The following THSD7B variants were observed in gnomAD, a reference collection of about 807,000 sequenced individuals.
The protein encoded by THSD7B is thrombospondin type-1 domain-containing protein 7B.
In THSD7B, 138 loss-of-function variants were observed where a neutral mutation model predicts 213.6. That is an observed-to-expected ratio of 0.65 (90% CI 0.56 to 0.74). The LOEUF (loss-of-function observed/expected upper bound fraction) is 0.74. Among genes scored for constraint, THSD7B ranks in the 30% least tolerant of loss-of-function variants. THSD7B has a pLI of 0.00. For synonymous variants in THSD7B, 742 were observed against 687.0 expected, an observed-to-expected ratio of 1.08 and a Z score of -1.25; for missense variants, 1,931 against 1,991.5, an observed-to-expected ratio of 0.97 and a Z score of 0.58.
intron 5 of THSD7B, among the ~76,000 whole-genome samples, chr2:137,130,993 C>G (rs968976712): frequency 2.6e-5 from 4 of 151,174 alleles, no homozygotes; most frequent in African/African-American, 9.7e-5. Context: ...ACAGTCCCAC[C>G]AACAGTGTAA....
At chr2:136,876,190 T>C (rs1310486983) in intron 1 of THSD7B, among the ~76,000 whole-genome samples, 1 of 152,204 alleles carries the variant, frequency 6.6e-6, no homozygotes, top group Non-Finnish European at 1.5e-5. Flanking sequence ...GAACAACCGC[T>C]GCCAAACACA....
intron 2 of THSD7B, among the ~76,000 whole-genome samples, chr2:137,054,859 A>AC (rs1687131561): frequency 6.6e-6 from 1 of 151,662 alleles, no homozygotes; most frequent in Admixed American, 6.6e-5. Flanking sequence ...GGTTTGCTGC[A>AC]CCTGTCAACC....
intron 12 of THSD7B, among the ~76,000 whole-genome samples, chr2:137,314,326 C>T (rs376082511): frequency 1.3e-5 from 2 of 152,322 alleles, no homozygotes; most frequent in Non-Finnish European, 2.9e-5. Flanking sequence ...GCATTCTTCA[C>T]GTAGTTCTTG....
chr2:137,102,509 C>A (rs1328165206), intron 4 of THSD7B, among the ~76,000 whole-genome samples: 1 of 152,150 alleles, frequency 6.6e-6, no homozygotes, highest in Non-Finnish European at 1.5e-5. Context: ...TCCTCGCCAG[C>A]AGGGGAACAA....
At chr2:137,062,033 G>T (rs1343513900) in intron 3 of THSD7B, among the ~76,000 whole-genome samples, 1 of 151,656 alleles carries the variant, frequency 6.6e-6, no homozygotes, top group Non-Finnish European at 1.5e-5. Context: ...ACAGATTTAG[G>T]ACTATTCGTA....
intron 12 of THSD7B, among the ~76,000 whole-genome samples, chr2:137,382,579 G>A (rs1319882820): frequency 6.6e-6 from 1 of 152,230 alleles, no homozygotes; most frequent in Admixed American, 6.5e-5. Context: ...GCTTGTGAGA[G>A]TATGGCAGGA....
chr2:137,426,816 T>C (rs540775345), intron 14 of THSD7B, among the ~76,000 whole-genome samples: 8 of 152,162 alleles, frequency 5.3e-5, no homozygotes, highest in East Asian at 3.9e-4. Context: ...AAACTAAAAT[T>C]TTCTGCACAA....
intron 20 of THSD7B, among the ~76,000 whole-genome samples, chr2:137,622,976 T>A (rs1682549457): frequency 2.0e-5 from 3 of 152,202 alleles, no homozygotes; most frequent in Admixed American, 2.0e-4. Flanking sequence ...TAACTCATTT[T>A]ATGAGGCCAG....
intron 2 of THSD7B, among the ~76,000 whole-genome samples, chr2:136,951,089 G>T (rs932274517): frequency 1.8e-4 from 27 of 152,130 alleles, no homozygotes; most frequent in Admixed American, 1.4e-3. Context: ...AACTGGGTGG[G>T]CTAGGAGAGG....
chr2:137,353,109 G>A (rs1479300583), intron 12 of THSD7B, among the ~76,000 whole-genome samples: 1 of 152,034 alleles, frequency 6.6e-6, no homozygotes, highest in Non-Finnish European at 1.5e-5. Flanking sequence ...TTTTGTATTA[G>A]GCAGTGACTA....
chr2:137,156,435 CT>C (rs770850947), intron 5 of THSD7B, among the ~76,000 whole-genome samples: 22 of 152,332 alleles, frequency 1.4e-4, no homozygotes, highest in Middle Eastern at 6.8e-3. Context: ...TCTCCTACCC[CT>C]GGTCCTCCAA....
chr2:136,855,966 C>T (rs1253498613), intron 1 of THSD7B, among the ~76,000 whole-genome samples: 1 of 134,838 alleles, frequency 7.4e-6, no homozygotes, highest in Non-Finnish European at 1.6e-5. Flanking sequence ...TAAGTCTCAA[C>T]TTGAATGTCA....
At chr2:137,495,963 TAAA>T (rs946307783) in intron 15 of THSD7B, among the ~76,000 whole-genome samples, 8 of 152,166 alleles carry the variant, frequency 5.3e-5, no homozygotes, top group African/African-American at 1.9e-4. Flanking sequence ...TATTAAAAAA[TAAA>T]AGTCAAAAAT....
At chr2:137,021,130 T>G (rs1686439371) in intron 2 of THSD7B, among the ~76,000 whole-genome samples, 1 of 152,148 alleles carries the variant, frequency 6.6e-6, no homozygotes. Flanking sequence ...GGGAGTAGTT[T>G]TGTGTGAAAA....
At chr2:137,087,559 GC>G (rs1320003903) in intron 3 of THSD7B, among the ~76,000 whole-genome samples, 2 of 152,084 alleles carry the variant, frequency 1.3e-5, no homozygotes, top group African/African-American at 4.8e-5. Context: ...TACAATAGCT[GC>G]AAAAACAAAA....
chr2:136,898,900 C>T (rs1684013471), intron 2 of THSD7B, among the ~76,000 whole-genome samples: 1 of 152,008 alleles, frequency 6.6e-6, no homozygotes. Context: ...CTCGGCCTCC[C>T]AAAGTGCTGG....
rs562089589 is a variant in THSD7B, at chr2:137,226,794, T to G, written c.1724-4250T>G. ...CAAACAAGTATATGCACATGCATAT[T>G]CATAGCAGTAGTATTCATAATAACC... On this transcript the variant is annotated intron_variant, in intron 7 of 27. Coordinates refer to ENST00000409968, the MANE Select transcript of THSD7B (RefSeq NM_001316349.2). Among the ~76,000 whole-genome samples, 15 of 147,862 alleles carry G rather than the reference T, an allele frequency of 1.0e-4. 2 individuals are homozygous for G. In the South Asian group the frequency reaches 3.2e-3, roughly 31 times the overall value.
chr2:137,327,663 G>A (rs1000611188), intron 12 of THSD7B, among the ~76,000 whole-genome samples: 2 of 152,132 alleles, frequency 1.3e-5, no homozygotes, highest in African/African-American at 4.8e-5. Flanking sequence ...AGGAAGTGAG[G>A]CAGTTATTTA....
At chr2:137,075,179 A>G (rs1211481560) in intron 3 of THSD7B, among the ~76,000 whole-genome samples, 1 of 152,036 alleles carries the variant, frequency 6.6e-6, no homozygotes, top group Non-Finnish European at 1.5e-5. Flanking sequence ...CCTGCAGAGT[A>G]TTTTCCAACT....
Sources: allele counts gnomAD v4.1 joint callset (sites outside exome capture counted in the v4.1 genomes callset), GRCh38; gene constraint gnomAD v4.1.1; transcripts MANE v1.5; gene names NCBI Gene and HGNC (gene_info 2026-07-23, HGNC 2026-07-21).